The following COL19A1 variants were observed in gnomAD, a reference collection of about 807,000 sequenced individuals.
COL19A1 encodes the protein collagen type XIX alpha 1 chain.
COL19A1 carries 159 observed loss-of-function variants against 190.2 expected under a neutral mutation model. That is an observed-to-expected ratio of 0.84 (90% confidence interval 0.73 to 0.95). The LOEUF (loss-of-function observed/expected upper bound fraction) is 0.95, where lower values mean the gene tolerates loss of function less well. Ranked by LOEUF, COL19A1 falls within the 40% of genes least tolerant of loss-of-function variation. COL19A1 has a pLI of 0.00. For missense variants in COL19A1, 1,418 were observed against 1,431.9 expected, an observed-to-expected ratio of 0.99 and a Z score of 0.16; for synonymous variants, 509 against 458.9, an observed-to-expected ratio of 1.11 and a Z score of -1.39.
intron 11 of COL19A1, among the ~76,000 whole-genome samples, chr6:69,980,239 TAA>T (rs1267912604): frequency 6.6e-6 from 1 of 152,112 alleles, no homozygotes; most frequent in Non-Finnish European, 1.5e-5. Context: ...ATAGATAGAC[TAA>T]ACCTGAGAAT....
intron 19 of COL19A1, among the ~76,000 whole-genome samples, chr6:70,139,872 G>A (rs1786125788): frequency 6.6e-6 from 1 of 151,704 alleles, no homozygotes; most frequent in Non-Finnish European, 1.5e-5. Flanking sequence ...GTAGCCATTG[G>A]AGCCAGGACT....
At chr6:70,173,047 A>C (rs970275346) in intron 41 of COL19A1, among the ~76,000 whole-genome samples, 26 of 152,336 alleles carry the variant, frequency 1.7e-4, no homozygotes, top group African/African-American at 6.0e-4. Context: ...TCAAACACGA[A>C]CTTCAGTTTT....
chr6:69,927,724 A>G (rs1562005939), intron 4 of COL19A1, among the ~76,000 whole-genome samples, 185 bp from the exon 5 acceptor site: 1 of 152,228 alleles, frequency 6.6e-6, no homozygotes, highest in African/African-American at 2.4e-5. Context: ...TCATTTTTAT[A>G]CACTCCAAAC....
chr6:70,184,953 T>C, intron 46 of COL19A1, 38 bp downstream of exon 46: 1 of 1,587,780 alleles, frequency 6.3e-7, no homozygotes, highest in Non-Finnish European at 8.6e-7. Context: ...TTCAAGTCTG[T>C]CTGTTACAAC....
intron 14 of COL19A1, among the ~76,000 whole-genome samples, chr6:70,039,650 T>C (rs1179375216): frequency 6.6e-6 from 1 of 152,236 alleles, no homozygotes; most frequent in Admixed American, 6.5e-5. Flanking sequence ...GCTTTACTTT[T>C]ATTCATATTT....
chr6:69,920,096 T>C (rs1425671110), intron 4 of COL19A1, among the ~76,000 whole-genome samples: 1 of 152,032 alleles, frequency 6.6e-6, no homozygotes, highest in Non-Finnish European at 1.5e-5. Context: ...TTCATGCCCC[T>C]TGCAAAAACT....
chr6:70,032,870 C>T (rs1235354059), intron 12 of COL19A1, among the ~76,000 whole-genome samples: 1 of 152,130 alleles, frequency 6.6e-6, no homozygotes, highest in Non-Finnish European at 1.5e-5. Context: ...TGGCAAATTT[C>T]TTCCTTCAAG....
Position 70,092,089 on chromosome 6 carries a change from G to A in COL19A1, c.1225-10080G>A, listed in dbSNP as rs117611144. Among the ~76,000 whole-genome samples the A allele has an allele frequency of 1.7e-3, 252 of 152,184 alleles. 1 individual carries two copies. The highest frequency in any genetic ancestry group is 4.3e-3 in the Admixed American group (65 of 15,280). On this transcript the variant is annotated intron_variant, in intron 15 of 50. Coordinates refer to ENST00000620364, the MANE Select transcript of COL19A1 (RefSeq NM_001858.6). ...AAGAAGTGGTGAGCTGGGAAATGCC[G>A]TCTGAACACACTTGATCTAAAGCCT...
intron 14 of COL19A1, among the ~76,000 whole-genome samples, chr6:70,051,048 G>A (rs924420203): frequency 6.6e-6 from 1 of 152,068 alleles, no homozygotes; most frequent in African/African-American, 2.4e-5. Context: ...ACAGGATGTT[G>A]TTAAGGTCAT....
chr6:70,115,056 T>C (rs1582946354), intron 16 of COL19A1, among the ~76,000 whole-genome samples: 1 of 152,282 alleles, frequency 6.6e-6, no homozygotes, highest in East Asian at 1.9e-4. Context: ...TCAAAGCCTC[T>C]TTCCAGAAAG....
intron 36 of COL19A1, among the ~76,000 whole-genome samples, chr6:70,165,469 A>G (rs930727485): frequency 6.6e-6 from 1 of 152,194 alleles, no homozygotes; most frequent in African/African-American, 2.4e-5. Flanking sequence ...CAGACACAAC[A>G]CAGGTTGTGA....
intron 14 of COL19A1, 80 bp from the exon 15 acceptor site, chr6:70,068,343 A>G: frequency 3.2e-6 from 3 of 952,216 alleles, no homozygotes; most frequent in Non-Finnish European, 5.2e-6. Context: ...CAACAAAATA[A>G]TTATTAATTT....
chr6:69,959,064 A>G (rs969664883), intron 9 of COL19A1, among the ~76,000 whole-genome samples: 1 of 152,196 alleles, frequency 6.6e-6, no homozygotes, highest in Admixed American at 6.5e-5. Context: ...GTAAATTCCT[A>G]TAAGCAGGAA....
intron 11 of COL19A1, among the ~76,000 whole-genome samples, chr6:69,982,973 AAAATAAATAAATAAATAAATAAAT>A (rs56922945): frequency 4.5e-5 from 6 of 132,626 alleles, no homozygotes; most frequent in African/African-American, 1.7e-4. Context: ...CTCTGTCTCA[AAAATAAATAAATAAATAAATAAAT>A]AAATAAATAA....
Position 70,102,208 on chromosome 6 carries a change from C to A in COL19A1, c.1264C>A (p.Pro422Thr), listed in dbSNP as rs1259140640. ...GKTGPPGKPGPPGPPGPPGIQ... is the reference protein window; with the variant it reads ...GKTGPPGKPGTPGPPGPPGIQ... Reference sequence around the variant, plus strand: ...AACAGGACCTCCCGGAAAACCAGGACCCCCAGGACCACCTGTGAGTAAACA... The same window carrying A: ...AACAGGACCTCCCGGAAAACCAGGAACCCCAGGACCACCTGTGAGTAAACA... The change falls in exon 16 of 51, where the codon CCC (proline) becomes ACC (threonine). Residue 422 changes from proline (P) to threonine (T), a missense_variant. Pro to Thr is a conservative substitution (Grantham distance 38). Coordinates refer to ENST00000620364, the MANE Select transcript of COL19A1 (RefSeq NM_001858.6). The A allele has an allele frequency of 1.9e-6, 3 of 1,611,770 alleles. No individual in the cohort carries two copies.
At chr6:70,102,747 C>T (rs1783713734) in intron 16 of COL19A1, among the ~76,000 whole-genome samples, 1 of 152,094 alleles carries the variant, frequency 6.6e-6, no homozygotes, top group Non-Finnish European at 1.5e-5. Context: ...TATTCAATTT[C>T]TTGTAGTTCT....
intron 15 of COL19A1, among the ~76,000 whole-genome samples, chr6:70,082,519 T>C (rs902607863): frequency 2.6e-5 from 4 of 152,114 alleles, no homozygotes; most frequent in African/African-American, 9.7e-5. Context: ...TTCAAGCGAT[T>C]CTCCTGTCTC....
At chr6:70,111,206 T>C (rs1329584751) in intron 16 of COL19A1, among the ~76,000 whole-genome samples, 2 of 152,224 alleles carry the variant, frequency 1.3e-5, no homozygotes, top group African/African-American at 4.8e-5. Context: ...AAGAATATTC[T>C]AGGTCCTGAT....
At position 69,948,799 on chromosome 6, in the gene COL19A1, T is replaced by C. The variant is rs918253334; in HGVS notation, c.936+10699T>C. ...AAGAATCTTGTGTGGTGATTCATCCTATATTTCACTTAAAGTAAAACTTCA... is the reference window on the plus strand; with the variant it reads ...AAGAATCTTGTGTGGTGATTCATCCCATATTTCACTTAAAGTAAAACTTCA... On this transcript the variant is annotated intron_variant, in intron 9 of 50. Transcript: ENST00000620364. Among the ~76,000 whole-genome samples the C allele has an allele frequency of 5.3e-5, 8 of 151,948 alleles. No individual in the cohort carries two copies. In the Admixed American group the frequency reaches 5.3e-4, roughly 10 times the overall value.
Sources: allele counts gnomAD v4.1 joint callset (sites outside exome capture counted in the v4.1 genomes callset), GRCh38; gene constraint gnomAD v4.1.1; transcripts MANE v1.5; gene names NCBI Gene and HGNC (gene_info 2026-07-23, HGNC 2026-07-21).